PITPNC1: variants seen among roughly 807,000 people sequenced by gnomAD.
The protein encoded by PITPNC1 is cytoplasmic phosphatidylinositol transfer protein 1.
A neutral mutation model predicts 44.7 loss-of-function variants in PITPNC1; 18 were observed. The observed-to-expected ratio is 0.40, with a 90% CI of 0.28 to 0.60. The LOEUF (loss-of-function observed/expected upper bound fraction) is 0.60, where lower values mean the gene tolerates loss of function less well. Among genes scored for constraint, PITPNC1 ranks in the 20% least tolerant of loss-of-function variants. The pLI is 0.39. For synonymous variants in PITPNC1, 141 were observed against 149.6 expected, an observed-to-expected ratio of 0.94 and a Z score of 0.42; for missense variants, 290 against 418.4, an observed-to-expected ratio of 0.69 and a Z score of 2.68.
intron 1 of PITPNC1, among the ~76,000 whole-genome samples, chr17:67,432,970 G>A (rs1239519903): frequency 6.6e-6 from 1 of 152,104 alleles, no homozygotes; most frequent in African/African-American, 2.4e-5. Context: ...ACAACAGCAT[G>A]GAAATATACA....
chr17:67,655,534 T>C (rs1378171193), intron 6 of PITPNC1, among the ~76,000 whole-genome samples: 3 of 119,500 alleles, frequency 2.5e-5, no homozygotes, highest in Admixed American at 2.3e-4. Context: ...CACTCCAGCC[T>C]GGACAACAGA....
At chr17:67,629,238 C>CTGTGTGTGTGTGTGTGTGTGTG (rs71139164) in intron 5 of PITPNC1, among the ~76,000 whole-genome samples, 32,162 of 130,862 alleles carry the variant, frequency 0.25, 4,701 homozygotes, top group South Asian at 0.32. Context: ...CTGGGGTATT[C>CTGTGTGTGTGTGTGTGTGTGTG]TGTGTGTGTG....
intron 1 of PITPNC1, among the ~76,000 whole-genome samples, chr17:67,490,225 G>A (rs1048780964): frequency 2.0e-5 from 3 of 150,832 alleles, no homozygotes; most frequent in African/African-American, 7.3e-5. Context: ...GATGCATTAT[G>A]TAACTTTGGA....
chr17:67,607,159 G>A (rs960405375), intron 5 of PITPNC1, among the ~76,000 whole-genome samples: 2 of 152,244 alleles, frequency 1.3e-5, no homozygotes, highest in African/African-American at 4.8e-5. Flanking sequence ...GAAGAGACAT[G>A]CAGTGGTTGG....
At chr17:67,649,560 C>A (rs2042187138) in intron 6 of PITPNC1, among the ~76,000 whole-genome samples, 1 of 152,122 alleles carries the variant, frequency 6.6e-6, no homozygotes, top group South Asian at 2.1e-4. Flanking sequence ...AGCATCAGAT[C>A]CCAGTCCCAC....
chr17:67,586,445 AT>A (rs1268800750), intron 5 of PITPNC1, among the ~76,000 whole-genome samples: 17 of 147,456 alleles, frequency 1.2e-4, no homozygotes, highest in African/African-American at 4.2e-4. Flanking sequence ...AAAAAAAAAA[AT>A]TAGCTGGGCG....
chr17:67,461,774 A>C (rs889775338), intron 1 of PITPNC1, among the ~76,000 whole-genome samples: 1 of 152,216 alleles, frequency 6.6e-6, no homozygotes, highest in African/African-American at 2.4e-5. Context: ...TGACTGCACC[A>C]TTGCACTCCA....
rs59838492 is a variant in PITPNC1, at chr17:67,507,683, C to CAAAA, written c.49-25097_49-25094dup. Reference sequence around the variant, plus strand: ...TGGGTGACAGGGCAAGACTTGGTCTCAAAAAAAAAAAAAAAAAAAAAAAAA... The same window carrying CAAAA: ...TGGGTGACAGGGCAAGACTTGGTCTCAAAAAAAAAAAAAAAAAAAAAAAAAAAAA... On this transcript the variant is annotated intron_variant, in intron 1 of 8. Transcript: ENST00000581322. Among the ~76,000 whole-genome samples the CAAAA allele has an allele frequency of 1.0e-4, 8 of 79,508 alleles. No individual in the cohort carries two copies. In the East Asian group the frequency reaches 1.4e-3, roughly 14 times the overall value. 52.2% of individuals were successfully genotyped at this position (79,508 alleles called of 152,430 possible). A position where few individuals can be genotyped will look rare whatever the true frequency, so the allele number is the denominator to read the frequency against.
rs1039530372 is a variant in PITPNC1, at chr17:67,559,620, C to T, written c.294+6003C>T. On this transcript the variant is annotated intron_variant, in intron 4 of 8. Coordinates refer to ENST00000581322, the MANE Select transcript of PITPNC1 (RefSeq NM_012417.4). The stretch of plus-strand genomic sequence containing the variant: ...AGGACAGTAAGGCCAGGTGTGGTGG[C>T]TGATGCCAGTAATCCCAGCATTTCA... 5.9e-5 allele frequency among the ~76,000 whole-genome samples: 9 copies of T among 152,204 alleles called. 1 individual carries two copies. The highest frequency in any genetic ancestry group is 5.9e-4 in the Admixed American group (9 of 15,286).
In PITPNC1 at chr17:67,623,103, A is replaced by T. The variant is rs868291222; in HGVS notation, c.367-9040A>T. Among the ~76,000 whole-genome samples the T allele has an allele frequency of 4.6e-5, 6 of 131,058 alleles. No individual in the cohort carries two copies. The South Asian group carries it at 1.7e-3, about 37-fold the overall frequency. The allele number at this position is 131,058 out of a possible 152,430, so 86.0% of individuals were successfully genotyped here. On this transcript the variant is annotated intron_variant, in intron 5 of 8. Coordinates refer to ENST00000581322, the MANE Select transcript of PITPNC1 (RefSeq NM_012417.4). ...CAATTGCTTCCTCCAGCGAGCTCCCAAAAGCCAAAAAAAAAAAAAAAAAAA... is the reference window on the plus strand; with the variant it reads ...CAATTGCTTCCTCCAGCGAGCTCCCTAAAGCCAAAAAAAAAAAAAAAAAAA...
intron 1 of PITPNC1, among the ~76,000 whole-genome samples, chr17:67,432,264 T>C (rs895249864): frequency 2.6e-5 from 4 of 152,078 alleles, no homozygotes; most frequent in African/African-American, 9.7e-5. Context: ...CCAAGGCAGG[T>C]GGATCACGAG....
intron 1 of PITPNC1, among the ~76,000 whole-genome samples, chr17:67,447,949 C>CTTCT (rs199789679): frequency 1.3e-5 from 2 of 149,796 alleles, no homozygotes; most frequent in Non-Finnish European, 3.0e-5. Flanking sequence ...TCCTTCCTTC[C>CTTCT]TTCTTTCTTT....
At chr17:67,632,361 G>C in intron 6 of PITPNC1, 123 bp downstream of exon 6, 1 of 654,228 alleles carries the variant, frequency 1.5e-6, no homozygotes, top group East Asian at 2.8e-5. Context: ...ATTTGCTTTC[G>C]TATCTTGCTG....
At chr17:67,411,740 C>G (rs1165315649) in intron 1 of PITPNC1, among the ~76,000 whole-genome samples, 1 of 152,050 alleles carries the variant, frequency 6.6e-6, no homozygotes, top group African/African-American at 2.4e-5. Flanking sequence ...CTCCTTATTC[C>G]TCTTACAGAG....
intron 5 of PITPNC1, among the ~76,000 whole-genome samples, chr17:67,625,712 CAG>C (rs1470542610): frequency 1.3e-5 from 2 of 152,108 alleles, no homozygotes; most frequent in African/African-American, 4.8e-5. Context: ...GATGATAGGA[CAG>C]AGAAGGAACA....
At chr17:67,497,223 C>CTT (rs1195584947) in intron 1 of PITPNC1, among the ~76,000 whole-genome samples, 43 of 143,088 alleles carry the variant, frequency 3.0e-4, no homozygotes, top group Admixed American at 7.0e-4. Flanking sequence ...TATAAACCTC[C>CTT]TTTTTTTTTT....
rs2042987398 is a variant in PITPNC1 at position 67,695,002 on chromosome 17, A to G, written c.*2114A>G. The G allele has an allele frequency of 6.6e-6, 1 of 152,208 alleles. No individual in the cohort carries two copies. Among genetic ancestry groups the G allele is most frequent in the African/African-American group, 2.4e-5 (1 of 41,460 alleles). 9.4% of individuals were successfully genotyped at this position (152,208 alleles called of 1,614,324 possible). A position where few individuals can be genotyped will look rare whatever the true frequency, so the allele number is the denominator to read the frequency against. The stretch of plus-strand genomic sequence containing the variant: ...AACACATCTGGCACCTAGTTTTTCC[A>G]TTAAGAGCATTGCTATTTTCCCTTT... On this transcript the variant is annotated 3_prime_UTR_variant, in exon 9 of 9. Transcript: ENST00000581322.
At chr17:67,472,443 C>G (rs922978578) in intron 1 of PITPNC1, among the ~76,000 whole-genome samples, 3 of 147,842 alleles carry the variant, frequency 2.0e-5, no homozygotes, top group African/African-American at 7.5e-5. Context: ...GTCAGGAGAT[C>G]GAGACCATCC....
intron 1 of PITPNC1, among the ~76,000 whole-genome samples, chr17:67,398,001 G>C (rs1251843952): frequency 1.3e-5 from 2 of 151,694 alleles, no homozygotes; most frequent in Non-Finnish European, 2.9e-5. Context: ...GCTGGGGCAG[G>C]AGAATGGTGT....
Sources: allele counts gnomAD v4.1 joint callset (sites outside exome capture counted in the v4.1 genomes callset), GRCh38; gene constraint gnomAD v4.1.1; transcripts MANE v1.5; gene names NCBI Gene and HGNC (gene_info 2026-07-23, HGNC 2026-07-21).